HMGB1: variants seen among roughly 807,000 people sequenced by gnomAD.
HMGB1 encodes the protein high mobility group box 1, also known as high mobility group protein B1.
For synonymous variants in HMGB1, 81 were observed against 84.0 expected (o/e 0.96, Z 0.19); for missense variants, 79 against 253.5 (o/e 0.31, Z 4.67).
At chr13:30,558,382 G>A (rs965841758) in intron 1 of HMGB1, among the ~76,000 whole-genome samples, 7 of 152,138 alleles carry the variant, frequency 4.6e-5, no homozygotes, top group African/African-American at 1.7e-4. Flanking sequence ...TTAAGAACTA[G>A]TGTCTATATC....
At chr13:30,556,838 T>C (rs1179715841) in intron 1 of HMGB1, among the ~76,000 whole-genome samples, 1 of 152,206 alleles carries the variant, frequency 6.6e-6, no homozygotes, top group Non-Finnish European at 1.5e-5. Flanking sequence ...GACAGCACTG[T>C]AGAATGACTA....
chr13:30,483,386 C>T (rs763079104), intron 1 of HMGB1, among the ~76,000 whole-genome samples: 1 of 152,072 alleles, frequency 6.6e-6, no homozygotes, highest in African/African-American at 2.4e-5. Flanking sequence ...AACCAGCAAA[C>T]CCTCCAGTCC....
intron 1 of HMGB1, among the ~76,000 whole-genome samples, chr13:30,523,050 C>A (rs1888275935): frequency 6.6e-6 from 1 of 152,182 alleles, no homozygotes; most frequent in Non-Finnish European, 1.5e-5. Context: ...GCCTTCACAG[C>A]CTACAGGAAA....
intron 1 of HMGB1, among the ~76,000 whole-genome samples, chr13:30,474,977 T>G (rs1887046024): frequency 7.4e-6 from 1 of 135,740 alleles, no homozygotes; most frequent in Non-Finnish European, 1.6e-5. Flanking sequence ...TTTTTTTTTT[T>G]TTTTGAGACA....
intron 1 of HMGB1, among the ~76,000 whole-genome samples, chr13:30,471,230 A>G (rs1215653605): frequency 1.3e-5 from 2 of 152,306 alleles, no homozygotes; most frequent in East Asian, 3.9e-4. Flanking sequence ...TTGGCCTCCC[A>G]AAGTGCTGGA....
intron 1 of HMGB1, among the ~76,000 whole-genome samples, chr13:30,485,523 CTA>C (rs1472968245): frequency 8.7e-6 from 1 of 115,534 alleles, no homozygotes; most frequent in African/African-American, 2.6e-5. Flanking sequence ...CCTTGAGTAC[CTA>C]TGACTTTTTT....
intron 1 of HMGB1, among the ~76,000 whole-genome samples, chr13:30,525,922 T>G (rs1359396285): frequency 6.6e-6 from 1 of 152,046 alleles, no homozygotes; most frequent in African/African-American, 2.4e-5. Context: ...GTCTGGAGCT[T>G]CTGAGCTCAA....
At chr13:30,571,313 G>A (rs1870414219) in intron 1 of HMGB1, among the ~76,000 whole-genome samples, 2 of 137,558 alleles carry the variant, frequency 1.5e-5, no homozygotes, top group Admixed American at 7.6e-5. Context: ...TTTTTTTTCC[G>A]AGATGGAGTC....
At chr13:30,482,466 A>G (rs1312470250) in intron 1 of HMGB1, among the ~76,000 whole-genome samples, 1 of 152,186 alleles carries the variant, frequency 6.6e-6, no homozygotes, top group Non-Finnish European at 1.5e-5. Flanking sequence ...ATCTGCTAGG[A>G]TCATAAATAC....
intron 3 of HMGB1, 54 bp from the exon 4 acceptor site, chr13:30,462,766 A>C: frequency 7.0e-7 from 1 of 1,437,792 alleles, no homozygotes; most frequent in Non-Finnish European, 9.7e-7. Flanking sequence ...AAAAACAAAT[A>C]CTATCAAGTG....
chr13:30,615,900 A>G (rs1950555988), intron 1 of HMGB1, among the ~76,000 whole-genome samples: 1 of 152,218 alleles, frequency 6.6e-6, no homozygotes, highest in Non-Finnish European at 1.5e-5. Flanking sequence ...AAATCATGTG[A>G]GTTTATAACT....
At chr13:30,509,806 C>T (rs1257449366) in intron 1 of HMGB1, among the ~76,000 whole-genome samples, 1 of 152,084 alleles carries the variant, frequency 6.6e-6, no homozygotes, top group Non-Finnish European at 1.5e-5. Context: ...TAAAATAAAC[C>T]CGCGGTGTAG....
intron 1 of HMGB1, among the ~76,000 whole-genome samples, chr13:30,561,605 G>GT (rs1430109527): frequency 6.6e-6 from 1 of 152,196 alleles, no homozygotes; most frequent in Non-Finnish European, 1.5e-5. Flanking sequence ...ATGACACTGG[G>GT]TTGAAGACTG....
chr13:30,470,289 G>T (rs1227809633), upstream of HMGB1, among the ~76,000 whole-genome samples: 1 of 152,210 alleles, frequency 6.6e-6, no homozygotes, highest in Non-Finnish European at 1.5e-5. Context: ...GAAGGAGTAC[G>T]TATTGCAAAT....
At chr13:30,568,988 C>A (rs1186211617) in intron 1 of HMGB1, among the ~76,000 whole-genome samples, 2 of 152,102 alleles carry the variant, frequency 1.3e-5, no homozygotes, top group African/African-American at 4.8e-5. Context: ...ACCAACCAGG[C>A]CAACATGGTG....
At chr13:30,484,728 A>C (rs1887321056) in intron 1 of HMGB1, among the ~76,000 whole-genome samples, 1 of 151,940 alleles carries the variant, frequency 6.6e-6, no homozygotes, top group Non-Finnish European at 1.5e-5. Flanking sequence ...AGAAAGAGAG[A>C]GAGAGAAAAG....
intron 1 of HMGB1, among the ~76,000 whole-genome samples, chr13:30,614,985 C>T (rs1386714132): frequency 2.0e-5 from 3 of 151,580 alleles, no homozygotes; most frequent in African/African-American, 7.3e-5. Flanking sequence ...GCTGGGATTA[C>T]AGGTGTGAGC....
intron 1 of HMGB1, among the ~76,000 whole-genome samples, chr13:30,576,080 G>A (rs1439944352): frequency 6.6e-6 from 1 of 152,046 alleles, no homozygotes; most frequent in African/African-American, 2.4e-5. Context: ...CAAAGTCTTT[G>A]ACATTTTCTA....
upstream of HMGB1, among the ~76,000 whole-genome samples, chr13:30,469,936 A>T (rs1206285133): frequency 3.4e-5 from 5 of 148,398 alleles, no homozygotes; most frequent in Admixed American, 6.7e-5. Flanking sequence ...GCCCCAGCTA[A>T]TTTATTTTTA....
Sources: allele counts gnomAD v4.1 joint callset (sites outside exome capture counted in the v4.1 genomes callset), GRCh38; gene constraint gnomAD v4.1.1; transcripts MANE v1.5; gene names NCBI Gene and HGNC (gene_info 2026-07-23, HGNC 2026-07-21).